Variants in WDR4 observed in about 807,000 individuals in gnomAD.
The protein encoded by WDR4 is tRNA (guanine-N(7)-)-methyltransferase non-catalytic subunit WDR4.
Under a neutral mutation model 48.6 loss-of-function variants are expected in WDR4, and 47 were observed. That is an observed-to-expected ratio of 0.97 (90% CI 0.77 to 1.23). The LOEUF (loss-of-function observed/expected upper bound fraction) is 1.23, where lower values mean the gene tolerates loss of function less well. Among genes scored for constraint, WDR4 ranks in the 50% most tolerant of loss-of-function variants. WDR4 has a pLI of 0.00. For synonymous variants in WDR4, 268 were observed against 230.0 expected (o/e 1.17, Z -1.49); for missense variants, 606 against 551.6 (o/e 1.10, Z -0.99).
chr21:42,856,124 C>G (rs1453427990), intron 6 of WDR4, among the ~76,000 whole-genome samples: 3 of 152,208 alleles, frequency 2.0e-5, no homozygotes, highest in Non-Finnish European at 4.4e-5. Context: ...GTGCCCGGGC[C>G]GGGCATAGAC....
rs940080019 is a variant in WDR4, at chr21:42,872,568, A to G, written c.296+983T>C. Among the ~76,000 whole-genome samples the G allele has an allele frequency of 6.7e-5, 10 of 150,012 alleles. No individual in the cohort carries two copies. In the South Asian group the frequency reaches 1.3e-3, roughly 19 times the overall value. ...GGAGGCTGTAGTGAGCCAAGATCACACCACCGCACTCCAGCCTGGGTGACA... is the reference window on the plus strand; with the variant it reads ...GGAGGCTGTAGTGAGCCAAGATCACGCCACCGCACTCCAGCCTGGGTGACA... On this transcript the variant is annotated intron_variant, in intron 3 of 10. Transcript: ENST00000398208.
At chr21:42,891,550 A>G in the WDR4 span, among the ~76,000 whole-genome samples, 4 of 152,156 alleles carry the variant, frequency 2.6e-5, no homozygotes, top group East Asian at 7.7e-4. Context: ...GGATCTTCCA[A>G]TTCCAGATCA....
In WDR4 at chr21:42,854,542, G is replaced by A; in HGVS notation, c.791+20C>T. On this transcript the variant is annotated intron_variant, in intron 8 of 10. Coordinates refer to ENST00000398208, the MANE Select transcript of WDR4 (RefSeq NM_018669.6). ...CAGGTCTGCAGAACCGGAGGCCATA[G>A]AGGTGCCGCCGCAGCTTACCCGTCG... The A allele has an allele frequency of 2.5e-6, 4 of 1,610,790 alleles. No homozygotes were observed. Among genetic ancestry groups the A allele is most frequent in the Non-Finnish European group, 3.4e-6 (4 of 1,178,788 alleles).
At chr21:42,858,768 G>A (rs77905583) in intron 6 of WDR4, among the ~76,000 whole-genome samples, 8,483 of 152,164 alleles carry the variant, frequency 0.056, 349 homozygotes, top group Non-Finnish European at 0.088. Flanking sequence ...CTCAGGTCGC[G>A]TGGCTGTGTG....
chr21:42,853,097 CCCG>C (rs2057878796), intron 9 of WDR4, among the ~76,000 whole-genome samples: 1 of 152,120 alleles, frequency 6.6e-6, no homozygotes, highest in African/African-American at 2.4e-5. Flanking sequence ...AGCAGCTCGG[CCCG>C]CCGCCCTCGC....
chr21:42,850,901 C>A (rs2057808109), intron 10 of WDR4, among the ~76,000 whole-genome samples: 1 of 152,222 alleles, frequency 6.6e-6, no homozygotes, highest in African/African-American at 2.4e-5. Flanking sequence ...CTCAGCCTGG[C>A]CAGGAAACCA....
chr21:42,870,473 G>A (rs183277645), intron 3 of WDR4, among the ~76,000 whole-genome samples: 101 of 152,228 alleles, frequency 6.6e-4, no homozygotes, highest in African/African-American at 2.4e-3. Flanking sequence ...CCAAAGCTCA[G>A]CCAGGGCCTT....
chr21:42,876,756 C>T lies in WDR4; in HGVS notation c.101G>A (p.Ser34Asn). The stretch of plus-strand genomic sequence containing the variant: ...AGCACTGCAGTCATAGATGAAGAGG[C>T]TGTCATCATCACTAAAGAGAAATAA... ...ATSIASSDDD[S>N]LFIYDCSAAE... is the part of the protein sequence containing the mutation. The change falls in exon 2 of 11, where the codon AGC becomes AAC. Residue 34 changes from serine (S) to asparagine (N), a missense_variant. Physicochemically the swap from Ser to Asn is conservative, Grantham distance 46. Coordinates refer to ENST00000398208, the MANE Select transcript of WDR4 (RefSeq NM_018669.6). 6.2e-7 allele frequency: 1 copy of T among 1,612,728 alleles called. No homozygotes were observed. Among genetic ancestry groups the T allele is most frequent in the Non-Finnish European group, 8.5e-7 (1 of 1,179,424 alleles).
chr21:42,857,256 A>G (rs2058017674), intron 6 of WDR4, among the ~76,000 whole-genome samples: 1 of 151,912 alleles, frequency 6.6e-6, no homozygotes. Flanking sequence ...GCCCCTTCGC[A>G]CTCACCTCCC....
In WDR4 at chr21:42,850,245, G is replaced by A; in HGVS notation, c.1046-3C>T. 6.3e-7 allele frequency: 1 copy of A among 1,586,474 alleles called. No homozygotes were observed. Among genetic ancestry groups the A allele is most frequent in the Non-Finnish European group, 8.6e-7 (1 of 1,165,300 alleles). ...GCTGGCGTCTGCGCCGGCAGAGCCT[G>A]TGATGGGGGAACAAGGACAGGTGCC... On this transcript the variant is annotated splice_polypyrimidine_tract_variant and splice_region_variant and intron_variant, in intron 10 of 10. Coordinates refer to ENST00000398208, the MANE Select transcript of WDR4 (RefSeq NM_018669.6).
intron 1 of WDR4, 91 bp from the exon 2 acceptor site, chr21:42,876,858 G>T (rs1342337233): frequency 1.7e-6 from 2 of 1,206,566 alleles, no homozygotes; most frequent in East Asian, 5.3e-5. Context: ...CGCTCTCGTT[G>T]TCCAGGCTCC....
the WDR4 span, among the ~76,000 whole-genome samples, chr21:42,891,120 A>G: frequency 6.6e-6 from 1 of 152,080 alleles, no homozygotes. Flanking sequence ...GTCAAGAGTT[A>G]CAAACCAGCC....
intron 4 of WDR4, among the ~76,000 whole-genome samples, chr21:42,863,022 A>C (rs1237624007): frequency 2.0e-5 from 3 of 152,096 alleles, no homozygotes; most frequent in Admixed American, 6.5e-5. Flanking sequence ...GCTCCCGGCC[A>C]AGGAGGCGGA....
downstream of WDR4, among the ~76,000 whole-genome samples, chr21:42,848,724 C>T (rs111174479): frequency 0.046 from 1,739 of 37,820 alleles, 517 homozygotes; most frequent in African/African-American, 0.19. Flanking sequence ...ACACAGCGCA[C>T]GATCACACGG....
rs563618075 is a variant in WDR4 at position 42,873,442 on chromosome 21, G to A, written c.296+109C>T. Reference sequence around the variant, plus strand: ...GTCTGGCACTGAACTGCGGCTCCGTGTCAACCACTTATCACCCTTATCACC... The same window carrying A: ...GTCTGGCACTGAACTGCGGCTCCGTATCAACCACTTATCACCCTTATCACC... On this transcript the variant is annotated intron_variant, in intron 3 of 10. Coordinates refer to ENST00000398208, the MANE Select transcript of WDR4 (RefSeq NM_018669.6). 1.9e-4 allele frequency: 283 copies of A among 1,484,816 alleles called. 4 individuals are homozygous for A. In the South Asian group the frequency reaches 3.2e-3, roughly 17 times the overall value. 92.0% of individuals were successfully genotyped at this position (1,484,816 alleles called of 1,614,324 possible).
At chr21:42,876,229 T>TTTTTTTTTTTTTTTG (rs1555982374) in intron 2 of WDR4, among the ~76,000 whole-genome samples, 5 of 148,966 alleles carry the variant, frequency 3.4e-5, no homozygotes, top group South Asian at 2.1e-4. Flanking sequence ...TTTTTTTTTT[T>TTTTTTTTTTTTTTTG]GGGAGACAGA....
intron 2 of WDR4, among the ~76,000 whole-genome samples, chr21:42,875,519 C>T (rs111422875): frequency 0.056 from 8,567 of 152,204 alleles, 353 homozygotes; most frequent in Non-Finnish European, 0.088. Context: ...AGCGCCACTG[C>T]ACTCCAGCCT....
chr21:42,876,512 C>A (rs2058496200), intron 2 of WDR4, among the ~76,000 whole-genome samples, 190 bp downstream of exon 2: 1 of 152,142 alleles, frequency 6.6e-6, no homozygotes, highest in Non-Finnish European at 1.5e-5. Flanking sequence ...CCGTGCTCAG[C>A]CAACAATGTA....
chr21:42,876,229 T>TTTTTTTTTTTTTGG (rs1555982374), intron 2 of WDR4, among the ~76,000 whole-genome samples: 5 of 148,850 alleles, frequency 3.4e-5, no homozygotes, highest in East Asian at 3.9e-4. Flanking sequence ...TTTTTTTTTT[T>TTTTTTTTTTTTTGG]GGGAGACAGA....
Sources: gnomAD v4.1 joint callset for allele counts (sites outside exome capture counted in the v4.1 genomes callset) on GRCh38, gnomAD v4.1.1 for gene constraint, MANE v1.5 for transcripts, NCBI Gene and HGNC (gene_info 2026-07-23, HGNC 2026-07-21) for gene names.